The following POU2F3 variants were observed in gnomAD, a reference collection of about 807,000 sequenced individuals.
POU2F3 encodes POU domain, class 2, transcription factor 3.
POU2F3 carries 23 observed loss-of-function variants against 59.2 expected under a neutral mutation model. That is an observed-to-expected ratio of 0.39 (90% CI 0.28 to 0.55). POU2F3 has a LOEUF of 0.55. POU2F3 is among the 20% of genes least tolerant of loss of function. The pLI, the probability that POU2F3 is intolerant of heterozygous loss-of-function variation, is 0.66. For missense variants in POU2F3, 473 were observed against 544.5 expected, an observed-to-expected ratio of 0.87 and a Z score of 1.31; for synonymous variants, 190 against 214.6, an observed-to-expected ratio of 0.89 and a Z score of 1.00.
chr11:120,306,390 C>T (rs913906320), intron 8 of POU2F3, among the ~76,000 whole-genome samples: 1 of 152,160 alleles, frequency 6.6e-6, no homozygotes, highest in African/African-American at 2.4e-5. Flanking sequence ...CATTTGGCAG[C>T]AGGGACTAGC....
Position 120,279,831 on chromosome 11 carries a change from A to G in POU2F3, c.132+10587A>G, listed in dbSNP as rs1013159857. On this transcript the variant is annotated intron_variant, in intron 3 of 12. Transcript: ENST00000543440. The stretch of plus-strand genomic sequence containing the variant: ...TGTGCCTAGTACTTGCTGGTCTACC[A>G]GACAGCCCCAAACACCACCAAAAAG... Among the ~76,000 whole-genome samples, 5 of 152,220 alleles carry G rather than the reference A, an allele frequency of 3.3e-5. No homozygotes were observed. The South Asian group carries it at 8.3e-4, about 25-fold the overall frequency.
intron 6 of POU2F3, chr11:120,303,333 T>C (rs923489946): frequency 6.6e-6 from 1 of 152,202 alleles, no homozygotes; most frequent in Non-Finnish European, 1.5e-5. Context: ...CAAGATCAAC[T>C]CTCATCTCTT....
intron 3 of POU2F3, among the ~76,000 whole-genome samples, chr11:120,271,143 T>G (rs1940052316): frequency 6.6e-6 from 1 of 152,168 alleles, no homozygotes; most frequent in Non-Finnish European, 1.5e-5. Flanking sequence ...GGGAGTTTGC[T>G]AACAAATGAA....
At chr11:120,274,781 G>A (rs1325627676) in intron 3 of POU2F3, among the ~76,000 whole-genome samples, 1 of 152,182 alleles carries the variant, frequency 6.6e-6, no homozygotes, top group African/African-American at 2.4e-5. Context: ...AGAGTGGGAA[G>A]AGGACCAAGG....
At chr11:120,305,267 G>T in intron 7 of POU2F3, 55 bp downstream of exon 7, 2 of 1,576,928 alleles carry the variant, frequency 1.3e-6, no homozygotes, top group South Asian at 2.3e-5. Flanking sequence ...TGGAGACTGG[G>T]CTTCCCAAGT....
chr11:120,268,054 T>C (rs1939909527), intron 2 of POU2F3, among the ~76,000 whole-genome samples: 2 of 152,024 alleles, frequency 1.3e-5, no homozygotes, highest in Admixed American at 1.3e-4. Context: ...AATCATGGTA[T>C]ATCCATATAA....
Position 120,317,933 on chromosome 11 carries a change from A to G in POU2F3, c.1272-420A>G, listed in dbSNP as rs576544243. On this transcript the variant is annotated intron_variant, in intron 12 of 12. Coordinates refer to ENST00000543440, the MANE Select transcript of POU2F3 (RefSeq NM_014352.4). ...ATTCTGCCCTGATTCAGAACAACACAGAGATGTGTAGGTTACAGACCTGAG... is the reference window on the plus strand; with the variant it reads ...ATTCTGCCCTGATTCAGAACAACACGGAGATGTGTAGGTTACAGACCTGAG... 3.3e-5 allele frequency among the ~76,000 whole-genome samples: 5 copies of G among 152,338 alleles called. No individual in the cohort carries two copies. In the South Asian group the frequency reaches 1.0e-3, roughly 32 times the overall value.
upstream of POU2F3, chr11:120,236,692 G>C: frequency 6.6e-7 from 1 of 1,505,454 alleles, no homozygotes; most frequent in Non-Finnish European, 8.9e-7. Context: ...TCCAAGAACT[G>C]CTAAAGGAGG....
At chr11:120,295,038 C>G (rs1941151712) in intron 3 of POU2F3, among the ~76,000 whole-genome samples, 1 of 152,200 alleles carries the variant, frequency 6.6e-6, no homozygotes, top group Non-Finnish European at 1.5e-5. Context: ...AGCCCCCAAA[C>G]TTACACCCAA....
chr11:120,284,904 C>T (rs1450705300), intron 3 of POU2F3, among the ~76,000 whole-genome samples: 4 of 152,202 alleles, frequency 2.6e-5, no homozygotes, highest in Non-Finnish European at 5.9e-5. Flanking sequence ...GGCTGTCTTC[C>T]TCCTTTTAAT....
chr11:120,315,540 T>C, intron 11 of POU2F3, 113 bp downstream of exon 11: 1 of 996,230 alleles, frequency 1.0e-6, no homozygotes, highest in South Asian at 1.5e-5. Context: ...TTTCAAAGGA[T>C]ATTAAAATCT....
intron 3 of POU2F3, among the ~76,000 whole-genome samples, chr11:120,295,278 T>C (rs1310768940): frequency 6.6e-6 from 1 of 152,238 alleles, no homozygotes; most frequent in African/African-American, 2.4e-5. Context: ...CATAGCTGCC[T>C]CTCCTTATCT....
intron 3 of POU2F3, among the ~76,000 whole-genome samples, chr11:120,293,076 T>G (rs1591426417): frequency 1.3e-5 from 2 of 152,328 alleles, no homozygotes; most frequent in Middle Eastern, 3.4e-3. Context: ...CAACCCCACA[T>G]GGTCCCAGCC....
chr11:120,314,020 A>G (rs923729856), intron 10 of POU2F3, among the ~76,000 whole-genome samples: 2 of 151,404 alleles, frequency 1.3e-5, no homozygotes, highest in African/African-American at 4.9e-5. Flanking sequence ...TCTCAAACCA[A>G]CAACAACAAC....
chr11:120,266,796 A>G (rs1188047428), intron 2 of POU2F3, among the ~76,000 whole-genome samples: 1 of 152,208 alleles, frequency 6.6e-6, no homozygotes, highest in African/African-American at 2.4e-5. Context: ...AAATGAAAGC[A>G]CAGTGCATTT....
At chr11:120,304,112 T>A (rs556816422) in intron 6 of POU2F3, 1 of 152,144 alleles carries the variant, frequency 6.6e-6, no homozygotes, top group South Asian at 2.1e-4. Flanking sequence ...AGCAGGTAGA[T>A]CACTTGAGCC....
At chr11:120,236,696 A>C, upstream of POU2F3, 3 of 1,503,034 alleles carry the variant, frequency 2.0e-6, no homozygotes, top group African/African-American at 1.4e-5. Context: ...AGAACTGCTA[A>C]AGGAGGAAGG....
At chr11:120,306,177 C>T (rs1266943265) in intron 8 of POU2F3, among the ~76,000 whole-genome samples, 1 of 152,158 alleles carries the variant, frequency 6.6e-6, no homozygotes, top group African/African-American at 2.4e-5. Context: ...TCTAGGGTCT[C>T]ACTGGGAGGG....
At chr11:120,273,888 G>C (rs1223105068) in intron 3 of POU2F3, among the ~76,000 whole-genome samples, 1 of 152,002 alleles carries the variant, frequency 6.6e-6, no homozygotes, top group East Asian at 1.9e-4. Context: ...GTGGTGGCAG[G>C]TGCCTGTAAT....
Sources: gnomAD v4.1 joint callset for allele counts (sites outside exome capture counted in the v4.1 genomes callset) on GRCh38, gnomAD v4.1.1 for gene constraint, MANE v1.5 for transcripts, NCBI Gene and HGNC (gene_info 2026-07-23, HGNC 2026-07-21) for gene names.